CERS6: variants seen among roughly 807,000 people sequenced by gnomAD.
CERS6 encodes LAG1 homolog, ceramide synthase 6.
A neutral mutation model predicts 56.8 loss-of-function variants in CERS6; 26 were observed. The observed-to-expected ratio is 0.46, with a 90% CI of 0.34 to 0.63. The LOEUF (loss-of-function observed/expected upper bound fraction) is 0.63. Ranked by LOEUF, CERS6 falls within the 30% of genes least tolerant of loss-of-function variation. The probability of loss-of-function intolerance (pLI) is 0.01; values close to 1 mark genes in which losing one functional copy is unlikely to be tolerated. For synonymous variants in CERS6, 164 were observed against 173.3 expected (o/e 0.95, Z 0.42); for missense variants, 415 against 467.5 (o/e 0.89, Z 1.04).
intron 9 of CERS6, chr2:168,766,319 A>G (rs776689609): frequency 6.3e-7 from 1 of 1,597,936 alleles, no homozygotes; most frequent in South Asian, 1.1e-5. Flanking sequence ...GCTACCCTGG[A>G]AGGCTGGGAA....
At chr2:168,697,553 CTTTTTTT>C in intron 6 of CERS6, among the ~76,000 whole-genome samples, 1 of 141,252 alleles carries the variant, frequency 7.1e-6, no homozygotes, top group South Asian at 2.3e-4. Context: ...AACATTCTTC[CTTTTTTT>C]TTTTTTTTAA....
chr2:168,747,175 A>C (rs1684132649), intron 8 of CERS6, among the ~76,000 whole-genome samples: 1 of 151,972 alleles, frequency 6.6e-6, no homozygotes, highest in African/African-American at 2.4e-5. Flanking sequence ...GGTCCCAGTT[A>C]CTCAGGAGGC....
chr2:168,760,732 CTGTT>C (rs202009989), intron 8 of CERS6, among the ~76,000 whole-genome samples: 11 of 146,926 alleles, frequency 7.5e-5, no homozygotes, highest in African/African-American at 1.1e-4. Flanking sequence ...CCTGGGTTTA[CTGTT>C]TGTTTATTTA....
At chr2:168,477,835 CTT>C (rs1378633987) in intron 1 of CERS6, among the ~76,000 whole-genome samples, 1 of 152,158 alleles carries the variant, frequency 6.6e-6, no homozygotes, top group Non-Finnish European at 1.5e-5. Flanking sequence ...ATTATTTTAA[CTT>C]GCGCTTTTTA....
At chr2:168,742,424 C>T (rs976253595) in intron 8 of CERS6, among the ~76,000 whole-genome samples, 10 of 152,168 alleles carry the variant, frequency 6.6e-5, no homozygotes, top group Non-Finnish European at 1.0e-4. Context: ...GGTATGGCCA[C>T]GAGGGACACT....
intron 4 of CERS6, among the ~76,000 whole-genome samples, chr2:168,669,211 G>C (rs779879962): frequency 3.3e-5 from 5 of 152,200 alleles, no homozygotes; most frequent in Non-Finnish European, 5.9e-5. Context: ...CTATCTTCCA[G>C]ATTATTTCCT....
chr2:168,577,785 G>GT lies in CERS6; in HGVS notation c.407+16464dup, dbSNP rs1683313520. On this transcript the variant is annotated intron_variant, in intron 3 of 9. Transcript: ENST00000305747. ...AATAGGAAATGGGCATCTGAGGAGA[G>GT]TGAAGAGGGAGGAGGAAGTATTAGC... 2.0e-5 allele frequency among the ~76,000 whole-genome samples: 3 copies of GT among 152,222 alleles called. 1 individual carries two copies. The South Asian group carries it at 6.2e-4, about 32-fold the overall frequency.
At chr2:168,512,413 T>C (rs1285840732) in intron 1 of CERS6, among the ~76,000 whole-genome samples, 1 of 152,208 alleles carries the variant, frequency 6.6e-6, no homozygotes, top group South Asian at 2.1e-4. Context: ...TAAATTCTTT[T>C]TCTTTCATAT....
intron 8 of CERS6, among the ~76,000 whole-genome samples, chr2:168,745,572 T>C (rs372409952): frequency 6.6e-6 from 1 of 152,184 alleles, no homozygotes; most frequent in South Asian, 2.1e-4. Context: ...ACACAGCTTA[T>C]ATGCTTCACT....
chr2:168,633,886 A>G (rs956008691), intron 4 of CERS6, among the ~76,000 whole-genome samples: 2 of 152,206 alleles, frequency 1.3e-5, no homozygotes, highest in Non-Finnish European at 2.9e-5. Flanking sequence ...AAATTCTCAT[A>G]ATACCAGTGT....
chr2:168,689,619 A>C (rs1686446951), intron 4 of CERS6, among the ~76,000 whole-genome samples: 1 of 152,192 alleles, frequency 6.6e-6, no homozygotes, highest in African/African-American at 2.4e-5. Flanking sequence ...ATGAACATTG[A>C]TGTTATAGAT....
At chr2:168,557,648 A>G (rs1381024607) in intron 2 of CERS6, among the ~76,000 whole-genome samples, 1 of 152,212 alleles carries the variant, frequency 6.6e-6, no homozygotes, top group Non-Finnish European at 1.5e-5. Flanking sequence ...TGTACTAAAG[A>G]TTTGAATATA....
intron 8 of CERS6, among the ~76,000 whole-genome samples, chr2:168,719,157 CTGA>C (rs1386107956): frequency 6.6e-6 from 1 of 152,238 alleles, no homozygotes; most frequent in Non-Finnish European, 1.5e-5. Context: ...ACTGGTAATG[CTGA>C]TAATTCAGTT....
chr2:168,493,980 T>A (rs1035036651), intron 1 of CERS6, among the ~76,000 whole-genome samples: 1 of 152,132 alleles, frequency 6.6e-6, no homozygotes, highest in Non-Finnish European at 1.5e-5. Context: ...GGATGAATTC[T>A]GCCTCTGTCT....
intron 1 of CERS6, among the ~76,000 whole-genome samples, chr2:168,469,655 A>T (rs969081690): frequency 1.3e-5 from 2 of 151,976 alleles, no homozygotes; most frequent in Non-Finnish European, 2.9e-5. Flanking sequence ...GTAGAGAATT[A>T]AAAAAAATTG....
At chr2:168,644,224 G>A in intron 4 of CERS6, 1 of 923,212 alleles carries the variant, frequency 1.1e-6, no homozygotes, top group Non-Finnish European at 1.3e-6. Flanking sequence ...TTCAGATAGG[G>A]TGCTCAGGGA....
At chr2:168,485,671 C>A (rs561588768) in intron 1 of CERS6, among the ~76,000 whole-genome samples, 6 of 152,086 alleles carry the variant, frequency 3.9e-5, no homozygotes, top group Non-Finnish European at 8.8e-5. Flanking sequence ...GTTTTTTCAT[C>A]CATTGATAAT....
intron 8 of CERS6, among the ~76,000 whole-genome samples, chr2:168,737,384 T>C (rs552567847): frequency 1.8e-4 from 27 of 152,266 alleles, no homozygotes; most frequent in African/African-American, 5.8e-4. Context: ...AAGGAAAAAA[T>C]TCTGCGGCGT....
chr2:168,579,469 C>T (rs952930731), intron 3 of CERS6, among the ~76,000 whole-genome samples: 1 of 152,132 alleles, frequency 6.6e-6, no homozygotes, highest in Non-Finnish European at 1.5e-5. Context: ...ACTTCTTTTC[C>T]AATTCCTTCC....
Sources: gnomAD v4.1 joint callset for allele counts (sites outside exome capture counted in the v4.1 genomes callset) on GRCh38, gnomAD v4.1.1 for gene constraint, MANE v1.5 for transcripts, NCBI Gene and HGNC (gene_info 2026-07-23, HGNC 2026-07-21) for gene names.